Variants in PKIA observed in about 807,000 individuals in gnomAD.
The protein encoded by PKIA is cAMP-dependent protein kinase inhibitor alpha.
Under a neutral mutation model 7.6 loss-of-function variants are expected in PKIA, and 4 were observed. The ratio of observed to expected loss-of-function variants is 0.52; its 90% CI spans 0.26 to 1.20. The LOEUF (loss-of-function observed/expected upper bound fraction) is 1.20, where lower values mean the gene tolerates loss of function less well. Among genes scored for constraint, PKIA ranks in the 50% most tolerant of loss-of-function variants. The pLI is 0.13. For missense variants in PKIA, 73 were observed against 86.2 expected (o/e 0.85, Z 0.61); for synonymous variants, 21 against 30.7 (o/e 0.68, Z 1.04).
At chr8:78,552,147 C>A (rs1806998924) in intron 1 of PKIA, among the ~76,000 whole-genome samples, 1 of 151,780 alleles carries the variant, frequency 6.6e-6, no homozygotes, top group Non-Finnish European at 1.5e-5. Flanking sequence ...CCATAAAATT[C>A]AAATACCCAT....
intron 1 of PKIA, among the ~76,000 whole-genome samples, chr8:78,536,997 TTCTC>T (rs1469923756): frequency 6.6e-6 from 1 of 151,676 alleles, no homozygotes; most frequent in Admixed American, 6.6e-5. Flanking sequence ...TTACCTTTCC[TTCTC>T]TAAGAAGTGT....
intron 1 of PKIA, among the ~76,000 whole-genome samples, chr8:78,569,836 G>C (rs1807504832): frequency 6.6e-6 from 1 of 152,116 alleles, no homozygotes; most frequent in South Asian, 2.1e-4. Context: ...AAATGATAGA[G>C]CTGACAAATA....
At chr8:78,597,224 C>T (rs35026353) in intron 2 of PKIA, among the ~76,000 whole-genome samples, 11,820 of 151,940 alleles carry the variant, frequency 0.078, 574 homozygotes, top group Middle Eastern at 0.16. Flanking sequence ...TGGAAAATAT[C>T]GTTGGTAGTT....
intron 1 of PKIA, among the ~76,000 whole-genome samples, chr8:78,567,892 C>T (rs1263316737): frequency 3.3e-5 from 5 of 152,056 alleles, no homozygotes; most frequent in Non-Finnish European, 4.4e-5. Flanking sequence ...TTCAATTGTT[C>T]CCAGGCTCAA....
At chr8:78,545,809 T>C (rs1041666899) in intron 1 of PKIA, among the ~76,000 whole-genome samples, 1 of 152,172 alleles carries the variant, frequency 6.6e-6, no homozygotes, top group Admixed American at 6.6e-5. Flanking sequence ...CTTGTGGAAA[T>C]ACTGATAGCA....
At chr8:78,583,250 G>C (rs1330289604) in intron 2 of PKIA, among the ~76,000 whole-genome samples, 1 of 152,134 alleles carries the variant, frequency 6.6e-6, no homozygotes, top group Non-Finnish European at 1.5e-5. Context: ...TATGTCTTTA[G>C]TTTGAGAACC....
intron 2 of PKIA, among the ~76,000 whole-genome samples, chr8:78,591,758 A>C (rs1808102919): frequency 6.6e-6 from 1 of 152,134 alleles, no homozygotes; most frequent in Non-Finnish European, 1.5e-5. Flanking sequence ...GTCTGTATTC[A>C]ATACTATCAT....
chr8:78,604,725 C>T lies in PKIA; in HGVS notation c.*2904C>T, dbSNP rs762834690. 3 of 151,942 alleles carry T rather than the reference C, an allele frequency of 2.0e-5. No individual in the cohort carries two copies. The highest frequency in any genetic ancestry group is 6.6e-5 in the Admixed American group (1 of 15,204). The allele number at this position is 151,942 out of a possible 1,614,324, so 9.4% of individuals were successfully genotyped here. ...GCTACTCATTTTGTTTAATTACCAACAAACATGGGGACTTTGGCTTTTTGA... is the reference window on the plus strand; with the variant it reads ...GCTACTCATTTTGTTTAATTACCAATAAACATGGGGACTTTGGCTTTTTGA... On this transcript the variant is annotated 3_prime_UTR_variant, in exon 4 of 4. Transcript: ENST00000396418.
intron 1 of PKIA, among the ~76,000 whole-genome samples, chr8:78,559,699 T>A (rs1019606131): frequency 7.2e-5 from 11 of 152,296 alleles, no homozygotes; most frequent in African/African-American, 2.4e-4. Flanking sequence ...TTCGCCAGTG[T>A]TTTACATTCT....
At chr8:78,601,450 G>C (rs1347938802) in intron 3 of PKIA, among the ~76,000 whole-genome samples, 1 of 152,040 alleles carries the variant, frequency 6.6e-6, no homozygotes, top group South Asian at 2.1e-4. Flanking sequence ...ACCTGGCCTT[G>C]AGATTTCTGA....
rs534650500 is a variant in PKIA, at chr8:78,582,476, C to G, written c.-28+9537C>G. Among the ~76,000 whole-genome samples, 6 of 152,100 alleles carry G rather than the reference C, an allele frequency of 3.9e-5. No individual in the cohort carries two copies. In the East Asian group the frequency reaches 1.2e-3, roughly 30 times the overall value. ...AGAACAGCATGGGGGGAACCAACACCACGATTCAGTTACCTCCCTCTGGGT... is the reference window on the plus strand; with the variant it reads ...AGAACAGCATGGGGGGAACCAACACGACGATTCAGTTACCTCCCTCTGGGT... On this transcript the variant is annotated intron_variant, in intron 2 of 3. Transcript: ENST00000396418.
intron 2 of PKIA, among the ~76,000 whole-genome samples, chr8:78,590,205 T>C (rs576698219): frequency 1.2e-3 from 179 of 151,970 alleles, no homozygotes; most frequent in African/African-American, 4.1e-3. Flanking sequence ...TGATATTGTA[T>C]AATTAAATGT....
chr8:78,564,701 A>G (rs1047925828), intron 1 of PKIA, among the ~76,000 whole-genome samples: 5 of 151,966 alleles, frequency 3.3e-5, no homozygotes, highest in African/African-American at 9.6e-5. Context: ...GTCATGTGTA[A>G]TAACAAAAAA....
intron 1 of PKIA, among the ~76,000 whole-genome samples, chr8:78,521,825 A>G (rs1306706361): frequency 6.6e-6 from 1 of 151,918 alleles, no homozygotes; most frequent in Non-Finnish European, 1.5e-5. Flanking sequence ...CTGTCTCATT[A>G]TCACAAACAG....
At chr8:78,535,522 A>G (rs1238456581) in intron 1 of PKIA, 1 of 151,652 alleles carries the variant, frequency 6.6e-6, no homozygotes, top group Non-Finnish European at 1.5e-5. Flanking sequence ...TTTGTGGTTC[A>G]CATTTGACCA....
intron 2 of PKIA, among the ~76,000 whole-genome samples, chr8:78,587,343 T>A (rs1807971585): frequency 6.6e-6 from 1 of 152,182 alleles, no homozygotes; most frequent in South Asian, 2.1e-4. Flanking sequence ...CTTTTGTGAT[T>A]TTGATGTGAA....
At chr8:78,538,379 T>C (rs916811894) in intron 1 of PKIA, among the ~76,000 whole-genome samples, 1 of 152,064 alleles carries the variant, frequency 6.6e-6, no homozygotes, top group Non-Finnish European at 1.5e-5. Context: ...ATGAGTTTTC[T>C]TGAAAGTCAG....
intron 2 of PKIA, among the ~76,000 whole-genome samples, chr8:78,579,910 G>A (rs2130196752): frequency 6.6e-6 from 1 of 152,112 alleles, no homozygotes; most frequent in East Asian, 1.9e-4. Flanking sequence ...ACAACCCTTT[G>A]AGAAATACCA....
intron 2 of PKIA, among the ~76,000 whole-genome samples, chr8:78,595,869 T>C (rs969188366): frequency 2.0e-5 from 3 of 152,230 alleles, no homozygotes; most frequent in Non-Finnish European, 4.4e-5. Flanking sequence ...GAATGATTTA[T>C]ATTCCTTTGG....
Sources: gnomAD v4.1 joint callset for allele counts (sites outside exome capture counted in the v4.1 genomes callset) on GRCh38, gnomAD v4.1.1 for gene constraint, MANE v1.5 for transcripts, NCBI Gene and HGNC (gene_info 2026-07-23, HGNC 2026-07-21) for gene names.